Variants in VTI1A observed in about 807,000 individuals in gnomAD.
The protein encoded by VTI1A is vesicle transport through interaction with t-SNAREs homolog 1A.
VTI1A carries 22 observed loss-of-function variants against 34.9 expected under a neutral mutation model. The observed-to-expected ratio is 0.63, with a 90% CI of 0.45 to 0.90. The LOEUF is 0.90. Among genes scored for constraint, VTI1A ranks in the 40% least tolerant of loss-of-function variants. The pLI, the probability that VTI1A is intolerant of heterozygous loss-of-function variation, is 0.00. For synonymous variants in VTI1A, 87 were observed against 97.3 expected (o/e 0.89, Z 0.62); for missense variants, 268 against 275.6 (o/e 0.97, Z 0.20).
At chr10:112,590,179 G>A (rs1048154807) in intron 5 of VTI1A, among the ~76,000 whole-genome samples, 5 of 152,138 alleles carry the variant, frequency 3.3e-5, no homozygotes, top group Admixed American at 3.3e-4. Flanking sequence ...GAAGTTGGTA[G>A]CTACTCAAAA....
chr10:112,778,780 A>G (rs1212151031), intron 7 of VTI1A, among the ~76,000 whole-genome samples: 19 of 152,152 alleles, frequency 1.2e-4, no homozygotes, highest in Non-Finnish European at 1.5e-5. Context: ...ACTGGGAGAC[A>G]TAAATAGCTT....
intron 5 of VTI1A, among the ~76,000 whole-genome samples, chr10:112,595,757 T>C (rs1844608454): frequency 6.7e-6 from 1 of 150,078 alleles, no homozygotes; most frequent in African/African-American, 2.5e-5. Flanking sequence ...AGTGTGGCGA[T>C]TCCTCAGGGA....
the VTI1A span, among the ~76,000 whole-genome samples, chr10:112,851,706 T>G: frequency 3.3e-5 from 5 of 152,184 alleles, no homozygotes; most frequent in African/African-American, 9.7e-5. Context: ...TGAGAAGCCA[T>G]ACAGGGGCTT....
chr10:112,594,858 T>C (rs1424523069), intron 5 of VTI1A, among the ~76,000 whole-genome samples: 2 of 151,724 alleles, frequency 1.3e-5, no homozygotes, highest in African/African-American at 2.4e-5. Context: ...GCCAAGTCAA[T>C]CCTAAGCCAA....
intron 7 of VTI1A, among the ~76,000 whole-genome samples, chr10:112,809,472 C>T (rs538701320): frequency 3.9e-5 from 6 of 152,288 alleles, no homozygotes; most frequent in South Asian, 2.1e-4. Context: ...AGTGGGGCAT[C>T]GTTATTCAGG....
chr10:112,828,930 A>G, the VTI1A span, among the ~76,000 whole-genome samples: 15 of 152,128 alleles, frequency 9.9e-5, no homozygotes, highest in East Asian at 2.9e-3. Context: ...CAGCATTTGA[A>G]CCACAAAACT....
In VTI1A at chr10:112,474,921, A is replaced by T. The variant is rs143539321; in HGVS notation, c.264+10264A>T. ...GAGCTCCCATTAATTTCAAAGGCCA[A>T]CACAGGAAAGGGACCCATCAGGTAG... On this transcript the variant is annotated intron_variant, in intron 3 of 7. Coordinates refer to ENST00000393077, the MANE Select transcript of VTI1A (RefSeq NM_145206.4). 2.6e-5 allele frequency among the ~76,000 whole-genome samples: 4 copies of T among 152,326 alleles called. No individual in the cohort carries two copies. The East Asian group carries it at 7.7e-4, about 29-fold the overall frequency.
intron 3 of VTI1A, among the ~76,000 whole-genome samples, chr10:112,513,436 G>A (rs993352555): frequency 6.6e-6 from 1 of 151,680 alleles, no homozygotes; most frequent in Non-Finnish European, 1.5e-5. Context: ...CAGTTTTTTG[G>A]TGGCATCTTT....
intron 7 of VTI1A, among the ~76,000 whole-genome samples, chr10:112,738,109 G>A (rs151291238): frequency 3.9e-5 from 6 of 152,306 alleles, no homozygotes; most frequent in Non-Finnish European, 2.9e-5. Flanking sequence ...AATGTAGGAA[G>A]GGAGTTTAGA....
intron 7 of VTI1A, among the ~76,000 whole-genome samples, chr10:112,696,094 TTATATATA>T (rs140889088): frequency 1.4e-5 from 2 of 145,168 alleles, no homozygotes; most frequent in Admixed American, 1.4e-4. Context: ...GAGAGAATGA[TTATATATA>T]TATATATATA....
intron 3 of VTI1A, among the ~76,000 whole-genome samples, chr10:112,489,077 G>C (rs1260414618): frequency 1.3e-5 from 2 of 152,168 alleles, no homozygotes; most frequent in Non-Finnish European, 2.9e-5. Context: ...TTAATACACA[G>C]GTTGCTGGGT....
intron 3 of VTI1A, among the ~76,000 whole-genome samples, chr10:112,479,037 C>T (rs193074552): frequency 0.011 from 1,723 of 152,164 alleles, 36 homozygotes; most frequent in African/African-American, 0.039. Flanking sequence ...CGTGGTGGCA[C>T]GCGCCTGTAA....
At chr10:112,789,442 A>G (rs1055848437) in intron 7 of VTI1A, among the ~76,000 whole-genome samples, 4 of 152,116 alleles carry the variant, frequency 2.6e-5, no homozygotes, top group Admixed American at 1.3e-4. Context: ...CCTGTGCATG[A>G]TGAGTCATTT....
chr10:112,534,779 AGGG>A (rs1850563385), intron 4 of VTI1A, among the ~76,000 whole-genome samples: 1 of 152,150 alleles, frequency 6.6e-6, no homozygotes, highest in Non-Finnish European at 1.5e-5. Flanking sequence ...TCTTGAGGTG[AGGG>A]ATAACATAAA....
At chr10:112,736,111 G>GTATATATATATATGTATA (rs1554953490) in intron 7 of VTI1A, among the ~76,000 whole-genome samples, 2 of 116,224 alleles carry the variant, frequency 1.7e-5, no homozygotes, top group Non-Finnish European at 3.4e-5. Context: ...ATGTGTGTGT[G>GTATATATATATATGTATA]TATATATATA....
chr10:112,779,915 T>G (rs1248699896), intron 7 of VTI1A, among the ~76,000 whole-genome samples: 1 of 152,138 alleles, frequency 6.6e-6, no homozygotes, highest in Non-Finnish European at 1.5e-5. Flanking sequence ...TTCCTTGTTC[T>G]TTAGGTTTCT....
intron 7 of VTI1A, among the ~76,000 whole-genome samples, chr10:112,732,919 G>A (rs2133961329): frequency 6.6e-6 from 1 of 152,326 alleles, no homozygotes; most frequent in South Asian, 2.1e-4. Flanking sequence ...AGTTGACACA[G>A]TAAAGGTGGA....
chr10:112,667,961 C>T (rs1847704507), intron 5 of VTI1A, among the ~76,000 whole-genome samples: 2 of 152,046 alleles, frequency 1.3e-5, no homozygotes, highest in Non-Finnish European at 2.9e-5. Flanking sequence ...CTGGAGTGGC[C>T]TGGACAAGAC....
At chr10:112,720,538 T>TA (rs1246869005) in intron 7 of VTI1A, among the ~76,000 whole-genome samples, 1 of 152,230 alleles carries the variant, frequency 6.6e-6, no homozygotes, top group Non-Finnish European at 1.5e-5. Flanking sequence ...ATTGAGTTTT[T>TA]AAAAATTCTT....
Sources: allele counts gnomAD v4.1 joint callset (sites outside exome capture counted in the v4.1 genomes callset), GRCh38; gene constraint gnomAD v4.1.1; transcripts MANE v1.5; gene names NCBI Gene and HGNC (gene_info 2026-07-23, HGNC 2026-07-21).